NLGN4X: variants seen among roughly 807,000 people sequenced by gnomAD.
The protein encoded by NLGN4X is neuroligin-4, X-linked.
Under a neutral mutation model 40.3 loss-of-function variants are expected in NLGN4X, and 3 were observed. The observed-to-expected ratio is 0.07, with a 90% CI of 0.03 to 0.19. NLGN4X has a LOEUF of 0.19. Ranked by LOEUF, NLGN4X falls within the 10% of genes least tolerant of loss-of-function variation. The pLI is 1.00. For synonymous variants in NLGN4X, 270 were observed against 306.8 expected, an observed-to-expected ratio of 0.88 and a Z score of 1.25; for missense variants, 382 against 708.3, an observed-to-expected ratio of 0.54 and a Z score of 5.23.
intron 1 of NLGN4X, among the ~76,000 whole-genome samples, chrX:6,168,014 T>C (rs2040532309): frequency 8.9e-6 from 1 of 112,213 alleles, no homozygotes; most frequent in Admixed American, 9.5e-5. Flanking sequence ...TAATCAGATG[T>C]CACAGATTTT....
At chrX:6,207,817 T>C (rs1023772009) in intron 1 of NLGN4X, among the ~76,000 whole-genome samples, 1 of 111,983 alleles carries the variant, frequency 8.9e-6, no homozygotes, top group East Asian at 2.8e-4. Context: ...TGTCCATTTA[T>C]TATCAAAATT....
intron 3 of NLGN4X, among the ~76,000 whole-genome samples, chrX:5,984,353 C>T (rs1352111828): frequency 9.4e-6 from 1 of 106,634 alleles, no homozygotes; most frequent in Admixed American, 1.0e-4. Context: ...CAGAATGAAG[C>T]TTGAAAGTAA....
At chrX:6,138,007 C>T (rs998287691) in intron 2 of NLGN4X, among the ~76,000 whole-genome samples, 5 of 111,571 alleles carry the variant, frequency 4.5e-5, no homozygotes, top group African/African-American at 1.6e-4. Flanking sequence ...AGACTCCTGG[C>T]TTGGCTGGTG....
intron 2 of NLGN4X, among the ~76,000 whole-genome samples, chrX:6,074,452 C>T (rs1569222467): frequency 1.8e-5 from 2 of 111,376 alleles, no homozygotes; most frequent in Admixed American, 9.6e-5. Flanking sequence ...AATAGGGGAT[C>T]GTTTGTATTG....
At chrX:6,130,699 A>AT (rs1569255503) in intron 2 of NLGN4X, among the ~76,000 whole-genome samples, 3 of 113,033 alleles carry the variant, frequency 2.7e-5, no homozygotes, top group Non-Finnish European at 5.6e-5. Flanking sequence ...AGAGGCCATT[A>AT]TTTTAAAAGC....
chrX:6,011,284 T>C (rs982710464), intron 3 of NLGN4X, among the ~76,000 whole-genome samples: 7 of 110,011 alleles, frequency 6.4e-5, no homozygotes, highest in African/African-American at 2.3e-4. Flanking sequence ...AATGAGAGCA[T>C]TCATGCTGGC....
At chrX:6,143,496 C>G (rs1281002235) in intron 2 of NLGN4X, among the ~76,000 whole-genome samples, 1 of 112,083 alleles carries the variant, frequency 8.9e-6, no homozygotes, top group Non-Finnish European at 1.9e-5. Flanking sequence ...TCTGTGGAGA[C>G]AGATGAGGAA....
rs1219256466 is a variant in NLGN4X, at chrX:6,151,775, A to G, written c.-305-4T>C. ...CTTATGAAAACTCCAAGGCAGCCTA[A>G]AAGAGGAAGAAAGCAGACAAGAATA... On this transcript the variant is annotated splice_region_variant and splice_polypyrimidine_tract_variant and intron_variant, in intron 1 of 5. Transcript: ENST00000381095. 3 of 336,376 alleles carry G rather than the reference A, an allele frequency of 8.9e-6. No individual in the cohort carries two copies. Among genetic ancestry groups the G allele is most frequent in the Non-Finnish European group, 1.6e-5 (3 of 190,312 alleles). 27.7% of individuals were successfully genotyped at this position (336,376 alleles called of 1,213,427 possible).
intron 3 of NLGN4X, among the ~76,000 whole-genome samples, chrX:5,924,066 TG>T (rs965228204): frequency 9.0e-6 from 1 of 111,491 alleles, no homozygotes; most frequent in African/African-American, 3.3e-5. Flanking sequence ...TAATTAGCAG[TG>T]GGGGGATATC....
chrX:6,211,005 C>A (rs1295638163), intron 1 of NLGN4X, among the ~76,000 whole-genome samples: 2 of 112,014 alleles, frequency 1.8e-5, no homozygotes, highest in Non-Finnish European at 3.8e-5. Flanking sequence ...TTACATCATG[C>A]CATAATAAGA....
chrX:5,982,236 C>T (rs962540842), intron 3 of NLGN4X, among the ~76,000 whole-genome samples: 11 of 112,013 alleles, frequency 9.8e-5, no homozygotes, highest in African/African-American at 3.6e-4. Context: ...ATCTTTTCAA[C>T]CACAATGCTA....
chrX:5,963,406 T>C (rs1341822181), intron 3 of NLGN4X, among the ~76,000 whole-genome samples: 1 of 111,892 alleles, frequency 8.9e-6, no homozygotes, highest in Non-Finnish European at 1.9e-5. Flanking sequence ...GTGTGAGTGA[T>C]AAAAGTAGAT....
chrX:5,927,936 G>T (rs1283077835), intron 3 of NLGN4X, among the ~76,000 whole-genome samples: 1 of 112,064 alleles, frequency 8.9e-6, no homozygotes, highest in Non-Finnish European at 1.9e-5. Flanking sequence ...TTTTACCATG[G>T]CATCTCTTTG....
chrX:6,162,174 G>A (rs1014126627), intron 1 of NLGN4X, among the ~76,000 whole-genome samples: 3 of 112,013 alleles, frequency 2.7e-5, no homozygotes, highest in Non-Finnish European at 5.6e-5. Context: ...GTATCTGGGA[G>A]GTAGTATGGG....
chrX:5,893,334 T>A lies in NLGN4X; in HGVS notation c.1934A>T (p.Asn645Ile), dbSNP rs778520251. 5.0e-6 allele frequency: 6 copies of A among 1,208,547 alleles called. No homozygotes were observed. ...TTKRPAITPA[N>I]NPKHSKDPHK... ...AGGGTCCTTAGAGTGTTTGGGATTG[T>A]TGGCAGGAGTGATTGCTGGGCGTTT... is the stretch of plus-strand genomic sequence containing the variant. Residue 645 changes from asparagine (N) to isoleucine (I), a missense_variant, in exon 6 of 6, where the codon AAC becomes ATC. By Grantham distance (149) the Asn-to-Ile change is moderately radical. Transcript: ENST00000381095.
chrX:6,120,686 G>C (rs1602267139), intron 2 of NLGN4X, among the ~76,000 whole-genome samples: 1 of 111,785 alleles, frequency 8.9e-6, no homozygotes, highest in Non-Finnish European at 1.9e-5. Flanking sequence ...TCCCTAGAGA[G>C]AAAACTATAC....
chrX:5,996,672 C>A (rs1005407894), intron 3 of NLGN4X, among the ~76,000 whole-genome samples: 1 of 106,783 alleles, frequency 9.4e-6, no homozygotes, highest in Non-Finnish European at 1.9e-5. Flanking sequence ...GATCTTGGCT[C>A]ACTGCAACCT....
chrX:6,083,115 C>T (rs2038409876), intron 2 of NLGN4X, among the ~76,000 whole-genome samples: 1 of 101,262 alleles, frequency 9.9e-6, no homozygotes, highest in Non-Finnish European at 2.0e-5. Flanking sequence ...CCCGCCACCT[C>T]GCCCGGCTAA....
At chrX:6,225,021 CACACAT>C (rs202243490) in intron 1 of NLGN4X, among the ~76,000 whole-genome samples, 15,666 of 81,707 alleles carry the variant, frequency 0.19, 1,722 homozygotes, top group Non-Finnish European at 0.26. Flanking sequence ...TACACACACA[CACACAT>C]ATATGTAGAA....
Sources: allele counts gnomAD v4.1 joint callset (sites outside exome capture counted in the v4.1 genomes callset), GRCh38; gene constraint gnomAD v4.1.1; transcripts MANE v1.5; gene names NCBI Gene and HGNC (gene_info 2026-07-23, HGNC 2026-07-21).